Variants in CUL2 observed in about 807,000 individuals in gnomAD.
CUL2 encodes the protein cullin 2.
A neutral mutation model predicts 110.2 loss-of-function variants in CUL2; 22 were observed. That is an observed-to-expected ratio of 0.20 (90% CI 0.14 to 0.28). CUL2 has a LOEUF of 0.28. CUL2 is among the 10% of genes least tolerant of loss of function. The pLI is 1.00. For missense variants in CUL2, 631 were observed against 905.5 expected (o/e 0.70, Z 3.89); for synonymous variants, 279 against 293.2 (o/e 0.95, Z 0.49).
At chr10:35,099,775 C>G (rs1241726169) in intron 2 of CUL2, among the ~76,000 whole-genome samples, 1 of 151,990 alleles carries the variant, frequency 6.6e-6, no homozygotes, top group Non-Finnish European at 1.5e-5. Context: ...AAATAGCTTA[C>G]TTAGATATGG....
chr10:35,020,393 ATCCC>A (rs1211709991), intron 17 of CUL2, among the ~76,000 whole-genome samples: 2 of 152,204 alleles, frequency 1.3e-5, no homozygotes, highest in Non-Finnish European at 2.9e-5. Context: ...CAATACTAAC[ATCCC>A]TCCCTATTTT....
At chr10:35,104,745 G>A (rs564979559) in intron 1 of CUL2, among the ~76,000 whole-genome samples, 4 of 151,822 alleles carry the variant, frequency 2.6e-5, no homozygotes, top group African/African-American at 9.7e-5. Context: ...ACTTTTCTGG[G>A]GGGGGGACAG....
chr10:35,062,769 C>T (rs1246364951), intron 3 of CUL2, among the ~76,000 whole-genome samples, 191 bp downstream of exon 3: 1 of 151,638 alleles, frequency 6.6e-6, no homozygotes, highest in Non-Finnish European at 1.5e-5. Context: ...CCAGGGAAGT[C>T]GGGGCTGCAG....
rs756230822 is a variant in CUL2, at chr10:35,031,615, G to A, written c.1175C>T (p.Ala392Val). The change falls in exon 13 of 21, where the codon GCT (alanine) becomes GTT (valine). Residue 392 changes from alanine to valine, a missense_variant. By Grantham distance (64) the Ala-to-Val change is moderately conservative (BLOSUM62 0). Around this residue, in one of 3 missense-constraint regions of CUL2, gnomAD observed 134 missense variants for 260.4 expected, o/e 0.51. Transcript: ENST00000374749. This position sits in a 1 kb window ranked among gnomAD's most constrained non-coding sequence, Gnocchi z 4.4. ...KSVCKAPELL[A>V]KYCDNLLKKS... ...CTTCAGTAAGTTGTCACAGTACTTA[G>A]CAAGCTCATGTAGAAATTGATAATA... 1 of 1,613,980 alleles carries A rather than the reference G, an allele frequency of 6.2e-7. No homozygotes were observed. The highest frequency in any genetic ancestry group is 2.2e-5 in the East Asian group (1 of 44,880).
intron 4 of CUL2, among the ~76,000 whole-genome samples, chr10:35,057,895 A>G (rs2086282573): frequency 6.6e-6 from 1 of 151,968 alleles, no homozygotes. Context: ...GGAGTTCGAG[A>G]CCATCCTGGC....
intron 1 of CUL2, among the ~76,000 whole-genome samples, chr10:35,125,657 GA>G (rs1266490867): frequency 3.3e-5 from 5 of 152,128 alleles, no homozygotes; most frequent in African/African-American, 9.7e-5. Flanking sequence ...CAATGAAACC[GA>G]TTTTTGTTAT....
chr10:35,074,239 T>C (rs749693327), intron 1 of CUL2: 2 of 1,533,556 alleles, frequency 1.3e-6, no homozygotes, highest in African/African-American at 1.4e-5. Context: ...AGTACAAAGT[T>C]TGTTGTTTCC....
intron 17 of CUL2, among the ~76,000 whole-genome samples, chr10:35,018,760 T>C (rs1423161786): frequency 4.8e-5 from 2 of 41,862 alleles, no homozygotes; most frequent in Admixed American, 3.3e-4. Flanking sequence ...CGAAACTCCG[T>C]CTCAAAAAAA....
In CUL2 at chr10:35,038,645, G is replaced by A. The variant is rs567793996; in HGVS notation, c.877+275C>T. On this transcript the variant is annotated intron_variant, in intron 9 of 20. Coordinates refer to ENST00000374749, the MANE Select transcript of CUL2 (RefSeq NM_003591.4). ...TATAGTCTTTGCCTTTATTCCTACT[G>A]TTTATCAGGAATTCTAAATGCATTA... 5.6e-5 allele frequency among the ~76,000 whole-genome samples: 8 copies of A among 141,800 alleles called. No individual in the cohort carries two copies. In the Admixed American group the frequency reaches 5.8e-4, roughly 10 times the overall value. The allele number at this position is 141,800 out of a possible 152,430, so 93.0% of individuals were successfully genotyped here.
chr10:35,097,252 C>T (rs543033783), intron 2 of CUL2, among the ~76,000 whole-genome samples: 58 of 152,124 alleles, frequency 3.8e-4, no homozygotes, highest in Non-Finnish European at 7.5e-4. Flanking sequence ...ACTGAACTTC[C>T]TGCGAACCTC....
At chr10:35,115,388 C>T (rs907476929) in intron 1 of CUL2, among the ~76,000 whole-genome samples, 1 of 151,430 alleles carries the variant, frequency 6.6e-6, no homozygotes, top group African/African-American at 2.4e-5. Context: ...AATGAAACCC[C>T]GTCTCTACTA....
chr10:35,032,373 G>C (rs917100489), intron 12 of CUL2, 62 bp downstream of exon 12: 6 of 1,338,006 alleles, frequency 4.5e-6, no homozygotes, highest in Admixed American at 2.2e-5. Context: ...TTGATATTCT[G>C]AGTTCTCATT....
intron 1 of CUL2, among the ~76,000 whole-genome samples, chr10:35,110,975 A>G (rs894958854): frequency 6.6e-6 from 1 of 152,246 alleles, no homozygotes; most frequent in Non-Finnish European, 1.5e-5. Context: ...AAGATCAGTT[A>G]GGATACTACT....
intron 5 of CUL2, 65 bp downstream of exon 5, chr10:35,054,369 C>T: frequency 1.2e-6 from 1 of 838,792 alleles, no homozygotes. Context: ...AAATGATGTG[C>T]AATCAAATTA....
chr10:35,070,966 C>T (rs897988180), intron 2 of CUL2, among the ~76,000 whole-genome samples: 5 of 151,824 alleles, frequency 3.3e-5, no homozygotes, highest in African/African-American at 4.8e-5. Flanking sequence ...CAACTGTATT[C>T]CCAAAGCCTA....
intron 1 of CUL2, among the ~76,000 whole-genome samples, chr10:35,111,517 C>A (rs1331702650): frequency 6.6e-6 from 1 of 152,166 alleles, no homozygotes; most frequent in Non-Finnish European, 1.5e-5. Context: ...CTTGGTCTCC[C>A]AAAATGCTGG....
At position 35,044,524 on chromosome 10, in the gene CUL2, A is replaced by C. The variant is rs758168482; in HGVS notation, c.714+42T>G. 12 of 1,304,632 alleles carry C rather than the reference A, an allele frequency of 9.2e-6. No homozygotes were observed. The Admixed American group carries it at 1.1e-4, about 12-fold the overall frequency. The allele number at this position is 1,304,632 out of a possible 1,614,324, so 80.8% of individuals were successfully genotyped here. ...ACGATGTTAAATAAAACCAGGCCAG[A>C]TACAAAATAGATAAATGTATTCGAT... is the stretch of plus-strand genomic sequence containing the variant. On this transcript the variant is annotated intron_variant, in intron 8 of 20. Transcript: ENST00000374749.
chr10:35,033,216 T>A lies in CUL2; in HGVS notation c.1060A>T (p.Ile354Phe). ...LEVHGKFVQL[I>F]NTVLNGDQHF... ...TGATCACCATTCAAAACAGTGTTGA[T>A]AAGCTGAACAAATTTACCATGCACT... The change falls in exon 11 of 21, where the codon ATC becomes TTC. Residue 354 changes from isoleucine (I) to phenylalanine (F), a missense_variant. Transcript: ENST00000374749. 1 of 1,613,820 alleles carries A rather than the reference T, an allele frequency of 6.2e-7. No homozygotes were observed. The highest frequency in any genetic ancestry group is 1.1e-5 in the South Asian group (1 of 91,076).
At chr10:35,089,298 G>C (rs2087140661) in intron 1 of CUL2, among the ~76,000 whole-genome samples, 1 of 152,194 alleles carries the variant, frequency 6.6e-6, no homozygotes, top group Admixed American at 6.5e-5. Context: ...GTCTTGAAAA[G>C]GAATGTAAGA....
Sources: gnomAD v4.1 joint callset for allele counts (sites outside exome capture counted in the v4.1 genomes callset) on GRCh38, gnomAD v4.1.1 for gene constraint, gnomAD v4.1.1 regional missense constraint, Gnocchi (gnomAD v3.1) non-coding constraint, MANE v1.5 for transcripts, NCBI Gene and HGNC (gene_info 2026-07-23, HGNC 2026-07-21) for gene names.